The following FARSB variants were observed in gnomAD, a reference collection of about 807,000 sequenced individuals.
FARSB encodes the protein phenylalanyl-tRNA synthetase subunit beta, also known as phenylalanine--tRNA ligase beta subunit.
A neutral mutation model predicts 69.6 loss-of-function variants in FARSB; 40 were observed. The ratio of observed to expected loss-of-function variants is 0.57; its 90% CI spans 0.45 to 0.75. The LOEUF is 0.75. Ranked by LOEUF, FARSB falls within the 30% of genes least tolerant of loss-of-function variation. The pLI, the probability that FARSB is intolerant of heterozygous loss-of-function variation, is 0.00. For missense variants in FARSB, 632 were observed against 722.9 expected (o/e 0.87, Z 1.44); for synonymous variants, 235 against 247.2 (o/e 0.95, Z 0.46).
At chr2:222,605,840 A>C (rs1690690963) in intron 15 of FARSB, among the ~76,000 whole-genome samples, 1 of 152,132 alleles carries the variant, frequency 6.6e-6, no homozygotes, top group Non-Finnish European at 1.5e-5. Flanking sequence ...GGGAGGCTGA[A>C]GTGGGAGGAT....
chr2:222,639,323 C>T (rs1691657507), intron 5 of FARSB, among the ~76,000 whole-genome samples: 1 of 152,086 alleles, frequency 6.6e-6, no homozygotes, highest in African/African-American at 2.4e-5. Flanking sequence ...CAAAATATAC[C>T]TCCTGTTTCT....
chr2:222,615,340 CATACGG>C (rs1690970633), intron 14 of FARSB, among the ~76,000 whole-genome samples: 2 of 152,194 alleles, frequency 1.3e-5, no homozygotes, highest in Non-Finnish European at 2.9e-5. Flanking sequence ...GCCTATTCTC[CATACGG>C]AGTGGTCCTT....
rs746008338 is a variant in FARSB, at chr2:222,613,917, A to C, written c.1356T>G (p.Thr452=). Residue 452 remains threonine, a synonymous_variant, in exon 15 of 17, where the codon ACT becomes ACG. Transcript: ENST00000281828. The part of the protein sequence containing the change: ...PKTAEFQVAR[T]TLLPGLLKTI... ...TCTTCAGGAGGCCAGGAAGAAGGGT[A>C]GTGCGTGCCACCTACAGGAAAAGAC... is the stretch of plus-strand genomic sequence containing the variant. 4 of 1,610,280 alleles carry C rather than the reference A, an allele frequency of 2.5e-6. No individual in the cohort carries two copies. The South Asian group carries it at 3.3e-5, about 13-fold the overall frequency.
Position 222,613,937 on chromosome 2 carries a change from A to G in FARSB, c.1345-9T>C. The G allele has an allele frequency of 6.4e-7, 1 of 1,573,056 alleles. No individual in the cohort carries two copies. Among genetic ancestry groups the G allele is most frequent in the Admixed American group, 1.7e-5 (1 of 59,854 alleles). ...AGGGTAGTGCGTGCCACCTACAGGA[A>G]AAGACATGAAATTGCACTGACCAAA... On this transcript the variant is annotated splice_polypyrimidine_tract_variant and intron_variant, in intron 14 of 16. Coordinates refer to ENST00000281828, the MANE Select transcript of FARSB (RefSeq NM_005687.5).
At chr2:222,624,586 G>C in intron 11 of FARSB, 107 bp from the exon 12 acceptor site, 1 of 933,500 alleles carries the variant, frequency 1.1e-6, no homozygotes, top group Non-Finnish European at 1.7e-6. Flanking sequence ...TTCTTTTTGA[G>C]TTCTATCAGA....
chr2:222,634,721 G>A lies in FARSB; in HGVS notation c.456-180C>T, dbSNP rs182758478. On this transcript the variant is annotated intron_variant, in intron 5 of 16. Coordinates refer to ENST00000281828, the MANE Select transcript of FARSB (RefSeq NM_005687.5). ...TTGCTACTACATGGCATCATTAGTGGCATATAATGAACAAATTCTCACAAC... is the reference window on the plus strand; with the variant it reads ...TTGCTACTACATGGCATCATTAGTGACATATAATGAACAAATTCTCACAAC... 1.2e-3 allele frequency among the ~76,000 whole-genome samples: 178 copies of A among 152,232 alleles called. 1 individual carries two copies. In the Middle Eastern group the frequency reaches 0.014, roughly 12 times the overall value.
At chr2:222,585,677 T>C (rs1349914499) in intron 16 of FARSB, among the ~76,000 whole-genome samples, 1 of 152,192 alleles carries the variant, frequency 6.6e-6, no homozygotes, top group East Asian at 1.9e-4. Flanking sequence ...AGACCTTAAA[T>C]GACCTGATGG....
At chr2:222,598,812 G>A (rs17565376) in intron 16 of FARSB, among the ~76,000 whole-genome samples, 40,399 of 151,828 alleles carry the variant, frequency 0.27, 5,746 homozygotes, top group Middle Eastern at 0.44. Flanking sequence ...CGGGCTCGTG[G>A]GCTGGATGAA....
At position 222,623,733 on chromosome 2, in the gene FARSB, G is replaced by GA. The variant is rs60965257; in HGVS notation, c.1171-4dup. 9.2e-4 allele frequency: 1,425 copies of GA among 1,551,148 alleles called. No homozygotes were observed. Among genetic ancestry groups the GA allele is most frequent in the Non-Finnish European group, 1.1e-3 (1,286 of 1,136,806 alleles). ...TCAGTGAGCTTATTAAGAGGAAACT[G>GA]AAAAAAAAAGCATCCACTTGATTTC... On this transcript the variant is annotated splice_polypyrimidine_tract_variant and splice_region_variant and intron_variant, in intron 12 of 16. Transcript: ENST00000281828.
intron 16 of FARSB, among the ~76,000 whole-genome samples, chr2:222,582,109 CAT>C (rs1689985850): frequency 6.6e-6 from 1 of 152,218 alleles, no homozygotes; most frequent in African/African-American, 2.4e-5. Context: ...TACCAAATAA[CAT>C]ATGCACAAGA....
At chr2:222,590,324 T>C (rs12990992) in intron 16 of FARSB, among the ~76,000 whole-genome samples, 40,698 of 151,646 alleles carry the variant, frequency 0.27, 5,781 homozygotes, top group Middle Eastern at 0.44. Flanking sequence ...ATGAGAACAG[T>C]TGGACACAGG....
At chr2:222,643,090 T>A in intron 2 of FARSB, 85 bp from the exon 3 acceptor site, 1 of 665,346 alleles carries the variant, frequency 1.5e-6, no homozygotes. Context: ...TATAAGGCAG[T>A]AACTACATTA....
At chr2:222,586,979 C>A (rs928625975) in intron 16 of FARSB, among the ~76,000 whole-genome samples, 2 of 152,146 alleles carry the variant, frequency 1.3e-5, no homozygotes, top group African/African-American at 4.8e-5. Flanking sequence ...ATATCCAGGA[C>A]TTGAACTCAG....
intron 10 of FARSB, among the ~76,000 whole-genome samples, chr2:222,626,897 G>T (rs777955270): frequency 6.6e-6 from 1 of 151,924 alleles, no homozygotes; most frequent in Non-Finnish European, 1.5e-5. Context: ...TTAGCCGGGC[G>T]TGGTGACGGG....
At chr2:222,630,824 A>T (rs1345556197) in intron 8 of FARSB, among the ~76,000 whole-genome samples, 1 of 152,214 alleles carries the variant, frequency 6.6e-6, no homozygotes, top group East Asian at 1.9e-4. Context: ...AAAAATTAAT[A>T]TTAAAAGCTG....
chr2:222,643,447 T>C (rs777309740), intron 2 of FARSB, among the ~76,000 whole-genome samples: 2 of 152,224 alleles, frequency 1.3e-5, no homozygotes, highest in African/African-American at 4.8e-5. Flanking sequence ...ATTTACTATC[T>C]GGCCCTTTAC....
chr2:222,576,874 CAA>C (rs1200514227), intron 16 of FARSB, among the ~76,000 whole-genome samples: 1 of 152,134 alleles, frequency 6.6e-6, no homozygotes, highest in African/African-American at 2.4e-5. Flanking sequence ...CTTTTCTAAA[CAA>C]TGTTGATTTA....
intron 16 of FARSB, among the ~76,000 whole-genome samples, chr2:222,595,270 T>C (rs751227954): frequency 6.6e-6 from 1 of 152,220 alleles, no homozygotes; most frequent in African/African-American, 2.4e-5. Context: ...CTTCAACAAG[T>C]TGTTCAATAG....
chr2:222,614,739 C>G (rs1690953044), intron 14 of FARSB, among the ~76,000 whole-genome samples: 1 of 152,048 alleles, frequency 6.6e-6, no homozygotes, highest in African/African-American at 2.4e-5. Flanking sequence ...ACTCGGGAGG[C>G]TGAGGTGGAG....
Sources: allele counts gnomAD v4.1 joint callset (sites outside exome capture counted in the v4.1 genomes callset), GRCh38; gene constraint gnomAD v4.1.1; transcripts MANE v1.5; gene names NCBI Gene and HGNC (gene_info 2026-07-23, HGNC 2026-07-21).